The following KCTD21 variants were observed in gnomAD, a reference collection of about 807,000 sequenced individuals.
KCTD21 encodes the protein potassium channel tetramerization domain containing 21.
KCTD21 carries 9 observed loss-of-function variants against 13.2 expected under a neutral mutation model. The observed-to-expected ratio is 0.68, with a 90% CI of 0.41 to 1.19. The LOEUF is 1.19. Ranked by LOEUF, KCTD21 falls within the 50% of genes most tolerant of loss-of-function variation. The pLI, the probability that KCTD21 is intolerant of heterozygous loss-of-function variation, is 0.01. For synonymous variants in KCTD21, 142 were observed against 137.4 expected (o/e 1.03, Z -0.23); for missense variants, 303 against 336.5 (o/e 0.90, Z 0.78).
Position 78,188,381 on chromosome 11 carries a change from C to T in KCTD21, c.-30+192G>A, listed in dbSNP as rs1242711303. 3 of 985,526 alleles carry T rather than the reference C, an allele frequency of 3.0e-6. No individual in the cohort carries two copies. The African/African-American group carries it at 5.2e-5, about 17-fold the overall frequency. The allele number at this position is 985,526 out of a possible 1,614,324, so 61.0% of individuals were successfully genotyped here. On this transcript the variant is annotated intron_variant, in intron 1 of 1. Coordinates refer to ENST00000340067, the MANE Select transcript of KCTD21 (RefSeq NM_001029859.3). ...CAACAGCCCCGCCCCTCTAAGAGCT[C>T]TGCCCACTTCGGCTCACCTCGCTCC...
chr11:78,186,398 A>AC (rs1862770348), intron 1 of KCTD21, among the ~76,000 whole-genome samples: 1 of 146,222 alleles, frequency 6.8e-6, no homozygotes, highest in Non-Finnish European at 1.5e-5. Context: ...AAAAAAAAAA[A>AC]AAAAAAAAAG....
In KCTD21 at chr11:78,172,653, CAA is replaced by C. The variant is rs892112046; in HGVS notation, c.*1117_*1118del. The C allele has an allele frequency of 4.1e-4, 63 of 152,250 alleles. No homozygotes were observed. The highest frequency in any genetic ancestry group is 1.4e-3 in the African/African-American group (60 of 41,558). 9.4% of individuals were successfully genotyped at this position (152,250 alleles called of 1,614,324 possible). ...TCTCTCAAGGTGACTATTTTGAAAG[CAA>C]AGATATATAACTGGGTGAATGGGAA... On this transcript the variant is annotated 3_prime_UTR_variant, in exon 2 of 2. Coordinates refer to ENST00000340067, the MANE Select transcript of KCTD21 (RefSeq NM_001029859.3).
At chr11:78,184,288 T>C (rs906287261) in intron 1 of KCTD21, among the ~76,000 whole-genome samples, 3 of 152,210 alleles carry the variant, frequency 2.0e-5, no homozygotes, top group Non-Finnish European at 4.4e-5. Flanking sequence ...AATCTAATCA[T>C]TGATAAACCA....
At chr11:78,188,116 G>A (rs562956135) in intron 1 of KCTD21, 43 of 985,224 alleles carry the variant, frequency 4.4e-5, no homozygotes, top group Non-Finnish European at 4.6e-5. Flanking sequence ...TCTCCAGAGC[G>A]GGGCAAGTTC....
At chr11:78,178,126 CTTT>C (rs1419423138) in intron 1 of KCTD21, 1 of 120,310 alleles carries the variant, frequency 8.3e-6, no homozygotes, top group Admixed American at 9.5e-5. Flanking sequence ...CTAAGCCCTT[CTTT>C]TCTTTTTTTT....
chr11:78,176,599 A>G (rs1473839667), intron 1 of KCTD21, among the ~76,000 whole-genome samples: 1 of 152,186 alleles, frequency 6.6e-6, no homozygotes, highest in East Asian at 1.9e-4. Flanking sequence ...TATTACCCCC[A>G]GAAGAGCCTG....
At chr11:78,186,559 A>T in intron 1 of KCTD21, 2 of 364,218 alleles carry the variant, frequency 5.5e-6, no homozygotes, top group Non-Finnish European at 7.6e-6. Flanking sequence ...TAACAACAAC[A>T]AACACTACAA....
intron 1 of KCTD21, among the ~76,000 whole-genome samples, chr11:78,177,529 C>A (rs974123295): frequency 6.6e-6 from 1 of 152,130 alleles, no homozygotes; most frequent in Non-Finnish European, 1.5e-5. Flanking sequence ...TCCAGAGGGC[C>A]CAGGCAGGAG....
chr11:78,183,921 C>T (rs1350108883), intron 1 of KCTD21, among the ~76,000 whole-genome samples: 3 of 152,066 alleles, frequency 2.0e-5, no homozygotes, highest in Non-Finnish European at 4.4e-5. Flanking sequence ...AGGCGTGAGC[C>T]ACCGCACCCG....
chr11:78,177,147 G>A (rs1862477133), intron 1 of KCTD21, among the ~76,000 whole-genome samples: 1 of 152,242 alleles, frequency 6.6e-6, no homozygotes, highest in African/African-American at 2.4e-5. Context: ...CTCCTGAAGA[G>A]GCTGACTGCA....
intron 1 of KCTD21, chr11:78,188,312 A>C (rs1271455795): frequency 1.0e-6 from 1 of 959,544 alleles, no homozygotes; most frequent in Non-Finnish European, 1.2e-6. Flanking sequence ...CCCGACCCTC[A>C]TTATCCGGGC....
Position 78,188,610 on chromosome 11 carries a change from G to T in KCTD21, c.-67C>A, listed in dbSNP as rs528896935. 2.2e-4 allele frequency: 217 copies of T among 985,394 alleles called. No homozygotes were observed. The Admixed American group carries it at 2.7e-3, about 12-fold the overall frequency. The allele number at this position is 985,394 out of a possible 1,614,324, so 61.0% of individuals were successfully genotyped here. On this transcript the variant is annotated 5_prime_UTR_variant, in exon 1 of 2. Transcript: ENST00000340067. ...CTCTGCAGCCTCTCCCTCCGCGAGC[G>T]GCCAGCGCAGCTTTGCGAGGGGGGC...
At chr11:78,184,299 A>G (rs1444656285) in intron 1 of KCTD21, among the ~76,000 whole-genome samples, 1 of 152,190 alleles carries the variant, frequency 6.6e-6, no homozygotes, top group Non-Finnish European at 1.5e-5. Flanking sequence ...TGATAAACCA[A>G]TCAAACATAT....
intron 1 of KCTD21, among the ~76,000 whole-genome samples, chr11:78,182,962 C>A (rs1862672718): frequency 6.6e-6 from 1 of 152,210 alleles, no homozygotes; most frequent in African/African-American, 2.4e-5. Flanking sequence ...TGGGGACTAG[C>A]TGTTGTAACA....
chr11:78,183,858 A>G (rs1222440987), intron 1 of KCTD21, among the ~76,000 whole-genome samples: 2 of 151,980 alleles, frequency 1.3e-5, no homozygotes, highest in East Asian at 3.9e-4. Context: ...GATGGTCTCG[A>G]TCTCCTGACC....
chr11:78,186,403 A>AAAAAAG (rs1862771709), intron 1 of KCTD21, among the ~76,000 whole-genome samples: 1 of 136,626 alleles, frequency 7.3e-6, no homozygotes, highest in African/African-American at 2.7e-5. Flanking sequence ...AAAAAAAAAA[A>AAAAAAG]AAAAGAAAAG....
At chr11:78,179,493 C>G (rs946504811) in intron 1 of KCTD21, among the ~76,000 whole-genome samples, 4 of 152,080 alleles carry the variant, frequency 2.6e-5, no homozygotes, top group Non-Finnish European at 5.9e-5. Flanking sequence ...CTCTTCAGCC[C>G]TACAGTTTGT....
chr11:78,178,989 G>C (rs1276583871), intron 1 of KCTD21, among the ~76,000 whole-genome samples: 1 of 152,108 alleles, frequency 6.6e-6, no homozygotes, highest in African/African-American at 2.4e-5. Flanking sequence ...ATTCACCTCA[G>C]CCTTTAATTA....
chr11:78,174,718 T>C (rs1179381255), intron 1 of KCTD21, 135 bp from the exon 2 acceptor site: 5 of 634,030 alleles, frequency 7.9e-6, no homozygotes, highest in African/African-American at 7.4e-5. Flanking sequence ...TGGGTGATAA[T>C]TGCTAACACT....
Sources: gnomAD v4.1 joint callset for allele counts (sites outside exome capture counted in the v4.1 genomes callset) on GRCh38, gnomAD v4.1.1 for gene constraint, MANE v1.5 for transcripts, NCBI Gene and HGNC (gene_info 2026-07-23, HGNC 2026-07-21) for gene names.